The following NEGR1 variants were observed in gnomAD, a reference collection of about 807,000 sequenced individuals.
The protein encoded by NEGR1 is neuronal growth regulator 1, also known as IgLON family member 4.
A neutral mutation model predicts 40.9 loss-of-function variants in NEGR1; 10 were observed. The observed-to-expected ratio is 0.24, with a 90% CI of 0.15 to 0.42. The LOEUF (loss-of-function observed/expected upper bound fraction) is 0.42, where lower values mean the gene tolerates loss of function less well. Ranked by LOEUF, NEGR1 falls within the 10% of genes least tolerant of loss-of-function variation. The pLI is 1.00. For synonymous variants in NEGR1, 185 were observed against 166.8 expected (o/e 1.11, Z -0.84); for missense variants, 352 against 438.9 (o/e 0.80, Z 1.77).
chr1:72,143,914 AATATAT>A (rs61582804), intron 1 of NEGR1, among the ~76,000 whole-genome samples: 8,636 of 130,500 alleles, frequency 0.066, 929 homozygotes, highest in African/African-American at 0.24. Context: ...TGATATATAT[AATATAT>A]ATATATATAT....
intron 1 of NEGR1, among the ~76,000 whole-genome samples, chr1:71,939,248 C>T (rs1430206340): frequency 6.6e-6 from 1 of 152,108 alleles, no homozygotes; most frequent in East Asian, 1.9e-4. Flanking sequence ...ATGTATTAAA[C>T]AGCAAAAATA....
At chr1:72,140,524 C>A (rs1385957571) in intron 1 of NEGR1, among the ~76,000 whole-genome samples, 1 of 152,018 alleles carries the variant, frequency 6.6e-6, no homozygotes, top group Non-Finnish European at 1.5e-5. Context: ...GAAGATGAAG[C>A]CCAGATGACC....
At chr1:71,610,166 C>T (rs1421660447) in intron 5 of NEGR1, among the ~76,000 whole-genome samples, 4 of 152,114 alleles carry the variant, frequency 2.6e-5, no homozygotes, top group South Asian at 2.1e-4. Context: ...GTATGTAAAC[C>T]CCCTACATAT....
In NEGR1 at chr1:71,406,683, G is replaced by C. The variant is rs1646279763; in HGVS notation, c.*763C>G. On this transcript the variant is annotated 3_prime_UTR_variant, in exon 7 of 7. Transcript: ENST00000357731. ...AAACCCCATTGTCAGTGCAGGAAGA[G>C]ATTTTTACAGTCCAATAGCTCCTTC... 6.6e-6 allele frequency: 1 copy of C among 152,508 alleles called. No homozygotes were observed. 9.4% of individuals were successfully genotyped at this position (152,508 alleles called of 1,614,324 possible). A position where few individuals can be genotyped will look rare whatever the true frequency, so the allele number is the denominator to read the frequency against.
chr1:71,603,488 T>C (rs1435813318), intron 5 of NEGR1, among the ~76,000 whole-genome samples: 2 of 152,222 alleles, frequency 1.3e-5, no homozygotes, highest in Admixed American at 6.5e-5. Context: ...ACAGTTTTTA[T>C]TATCATATGT....
intron 1 of NEGR1, among the ~76,000 whole-genome samples, chr1:72,031,836 T>C (rs889049480): frequency 2.0e-5 from 3 of 152,084 alleles, no homozygotes; most frequent in African/African-American, 2.4e-5. Flanking sequence ...ATGAACTGAC[T>C]CATGATGTGA....
chr1:72,147,615 G>C lies in NEGR1; in HGVS notation c.176+134704C>G, dbSNP rs1253142497. ...CTTCCAACATTCCCCTAAAGTCTTA[G>C]TATTTCAGCATTAATCTAAATGTCC... On this transcript the variant is annotated intron_variant, in intron 1 of 6. Transcript: ENST00000357731. 5.9e-5 allele frequency among the ~76,000 whole-genome samples: 9 copies of C among 152,008 alleles called. No homozygotes were observed. In the East Asian group the frequency reaches 1.5e-3, roughly 26 times the overall value.
At chr1:71,784,730 G>T (rs958732798) in intron 2 of NEGR1, among the ~76,000 whole-genome samples, 1 of 152,112 alleles carries the variant, frequency 6.6e-6, no homozygotes, top group Non-Finnish European at 1.5e-5. Flanking sequence ...TTATGCAAAG[G>T]CATAACAATT....
chr1:71,773,282 A>G (rs1437308466), intron 3 of NEGR1, among the ~76,000 whole-genome samples: 1 of 152,248 alleles, frequency 6.6e-6, no homozygotes, highest in Non-Finnish European at 1.5e-5. Flanking sequence ...AATCAGACAC[A>G]TACAAAAACT....
Position 71,829,446 on chromosome 1 carries a change from A to T in NEGR1, c.410-53149T>A, listed in dbSNP as rs143909439. Among the ~76,000 whole-genome samples, 475 of 151,936 alleles carry T rather than the reference A, an allele frequency of 3.1e-3. 5 individuals carry two copies. Among genetic ancestry groups the T allele is most frequent in the Non-Finnish European group, 4.6e-3 (315 of 67,904 alleles). ...GAGATACCACACTCCAATTATTTCCAACAGGGGGTTCTGATATATAATCAG... is the reference window on the plus strand; with the variant it reads ...GAGATACCACACTCCAATTATTTCCTACAGGGGGTTCTGATATATAATCAG... On this transcript the variant is annotated intron_variant, in intron 2 of 6. Transcript: ENST00000357731.
rs2100430862 is a variant in NEGR1 at position 72,192,172 on chromosome 1, G to T, written c.176+90147C>A. On this transcript the variant is annotated intron_variant, in intron 1 of 6. Coordinates refer to ENST00000357731, the MANE Select transcript of NEGR1 (RefSeq NM_173808.3). ...TGTAAGGACTATATTTTATGAAAAT[G>T]CAGGGTGCTGAGCAGCAAAATTTAA... 1.3e-5 allele frequency among the ~76,000 whole-genome samples: 2 copies of T among 151,930 alleles called. 1 individual carries two copies. Among genetic ancestry groups the T allele is most frequent in the Admixed American group, 1.3e-4 (2 of 15,200 alleles).
At chr1:72,084,662 G>A (rs944389211) in intron 1 of NEGR1, among the ~76,000 whole-genome samples, 6 of 152,040 alleles carry the variant, frequency 3.9e-5, no homozygotes, top group African/African-American at 1.4e-4. Context: ...TTGAGTAAAG[G>A]AATTAAATAT....
chr1:71,524,202 G>T (rs925218856), intron 6 of NEGR1, among the ~76,000 whole-genome samples: 4 of 151,554 alleles, frequency 2.6e-5, no homozygotes, highest in African/African-American at 9.7e-5. Flanking sequence ...ATTGTTTCAA[G>T]ATTTACTTGC....
At chr1:71,705,591 G>A (rs910249767) in intron 3 of NEGR1, among the ~76,000 whole-genome samples, 8 of 152,054 alleles carry the variant, frequency 5.3e-5, no homozygotes, top group Admixed American at 1.3e-4. Flanking sequence ...GTGGTGGTGG[G>A]CGCCTGCAGT....
chr1:72,151,649 A>C (rs1176709759), intron 1 of NEGR1, among the ~76,000 whole-genome samples: 4 of 151,866 alleles, frequency 2.6e-5, no homozygotes, highest in Non-Finnish European at 5.9e-5. Context: ...AGAGAAGTCA[A>C]CGGGAAATAT....
At chr1:71,794,854 G>A (rs1657262731) in intron 2 of NEGR1, among the ~76,000 whole-genome samples, 1 of 151,804 alleles carries the variant, frequency 6.6e-6, no homozygotes, top group Non-Finnish European at 1.5e-5. Flanking sequence ...CAAAAGATTA[G>A]TATTCTGAAT....
At chr1:72,080,356 A>G (rs551023565) in intron 1 of NEGR1, among the ~76,000 whole-genome samples, 2 of 152,218 alleles carry the variant, frequency 1.3e-5, no homozygotes, top group South Asian at 2.1e-4. Flanking sequence ...TTCCAGAAAT[A>G]TATCTTCCAG....
chr1:71,434,636 G>A (rs1050177126), intron 6 of NEGR1, among the ~76,000 whole-genome samples: 2 of 152,218 alleles, frequency 1.3e-5, no homozygotes, highest in African/African-American at 2.4e-5. Flanking sequence ...AAGTGCCATA[G>A]TGATGCTGGA....
chr1:71,738,958 A>G (rs1655123134), intron 3 of NEGR1, among the ~76,000 whole-genome samples: 1 of 152,068 alleles, frequency 6.6e-6, no homozygotes, highest in Non-Finnish European at 1.5e-5. Context: ...TTTATGACTA[A>G]GGACAAAAAA....
Sources: gnomAD v4.1 joint callset for allele counts (sites outside exome capture counted in the v4.1 genomes callset) on GRCh38, gnomAD v4.1.1 for gene constraint, MANE v1.5 for transcripts, NCBI Gene and HGNC (gene_info 2026-07-23, HGNC 2026-07-21) for gene names.